The following PPARGC1B variants were observed in gnomAD, a reference collection of about 807,000 sequenced individuals.
PPARGC1B encodes the protein peroxisome proliferator-activated receptor gamma coactivator 1-beta.
In PPARGC1B, 34 loss-of-function variants were observed where a neutral mutation model predicts 101.6. The ratio of observed to expected loss-of-function variants is 0.33; its 90% CI spans 0.25 to 0.45. The LOEUF (loss-of-function observed/expected upper bound fraction) is 0.45. PPARGC1B is among the 20% of genes least tolerant of loss of function. The pLI, the probability that PPARGC1B is intolerant of heterozygous loss-of-function variation, is 1.00. For synonymous variants in PPARGC1B, 548 were observed against 539.3 expected, an observed-to-expected ratio of 1.02 and a Z score of -0.22; for missense variants, 1,234 against 1,317.6, an observed-to-expected ratio of 0.94 and a Z score of 0.98.
intron 1 of PPARGC1B, among the ~76,000 whole-genome samples, chr5:149,800,792 C>T (rs1757406305): frequency 6.6e-6 from 1 of 152,204 alleles, no homozygotes; most frequent in African/African-American, 2.4e-5. Context: ...CTCAAAATAG[C>T]CTGGAAGTGC....
At chr5:149,772,083 T>C in intron 1 of PPARGC1B, 2 of 1,574,796 alleles carry the variant, frequency 1.3e-6, no homozygotes, top group Admixed American at 1.9e-5. Flanking sequence ...AGGGGCCTGC[T>C]CTGATCTGGG....
chr5:149,839,414 G>A (rs1759242474), intron 8 of PPARGC1B, among the ~76,000 whole-genome samples: 1 of 152,198 alleles, frequency 6.6e-6, no homozygotes, highest in Non-Finnish European at 1.5e-5. Flanking sequence ...TGAGGGCAGC[G>A]TGCAAGCAGG....
intron 1 of PPARGC1B, among the ~76,000 whole-genome samples, chr5:149,748,077 TG>T (rs1291978349): frequency 1.3e-5 from 2 of 151,970 alleles, no homozygotes; most frequent in African/African-American, 2.4e-5. Flanking sequence ...ATGATATGGT[TG>T]TGAAACAACC....
intron 1 of PPARGC1B, chr5:149,772,269 T>A: frequency 6.5e-7 from 1 of 1,537,692 alleles, no homozygotes; most frequent in South Asian, 1.2e-5. Flanking sequence ...GATGTGGCGA[T>A]GGTGGGTTAG....
chr5:149,751,376 A>T (rs1755296099), intron 1 of PPARGC1B, among the ~76,000 whole-genome samples: 1 of 152,194 alleles, frequency 6.6e-6, no homozygotes. Context: ...ATTTATTGAA[A>T]TGTGAGAGCA....
rs1273250347 is a variant in PPARGC1B at position 149,850,202 on chromosome 5, T to C, written c.*2644T>C. ...CTCTTAGCCCCTCCTATTTGCTTCT[T>C]CCTTGATTGCTCTTGGTCAAAGGGT... On this transcript the variant is annotated 3_prime_UTR_variant, in exon 12 of 12. Transcript: ENST00000309241. 1 of 152,270 alleles carries C rather than the reference T, an allele frequency of 6.6e-6. No homozygotes were observed. Among genetic ancestry groups the C allele is most frequent in the Non-Finnish European group, 1.5e-5 (1 of 68,078 alleles). 9.4% of individuals were successfully genotyped at this position (152,270 alleles called of 1,614,324 possible). A position where few individuals can be genotyped will look rare whatever the true frequency, so the allele number is the denominator to read the frequency against.
chr5:149,804,816 CAG>C (rs1215021893), intron 1 of PPARGC1B, among the ~76,000 whole-genome samples: 1 of 152,180 alleles, frequency 6.6e-6, no homozygotes, highest in Non-Finnish European at 1.5e-5. Flanking sequence ...CAGCCCCAGA[CAG>C]AGGGTTGTGT....
At chr5:149,839,118 C>CA (rs1759228511) in intron 8 of PPARGC1B, among the ~76,000 whole-genome samples, 1 of 152,264 alleles carries the variant, frequency 6.6e-6, no homozygotes, top group South Asian at 2.1e-4. Context: ...AGCTGAGGCT[C>CA]AAAGAGATTA....
At chr5:149,781,100 G>A (rs2113222816) in intron 1 of PPARGC1B, among the ~76,000 whole-genome samples, 1 of 152,172 alleles carries the variant, frequency 6.6e-6, no homozygotes, top group African/African-American at 2.4e-5. Context: ...AGCTACTTGG[G>A]AGGCTGAGGC....
rs1325382296 is a variant in PPARGC1B, at chr5:149,842,303, C to T, written c.2742C>T (p.Ser914=). 3 of 1,614,040 alleles carry T rather than the reference C, an allele frequency of 1.9e-6. No individual in the cohort carries two copies. The highest frequency in any genetic ancestry group is 3.3e-5 in the Admixed American group (2 of 60,014). Residue 914 remains serine (S), a synonymous_variant, in exon 10 of 12, where the codon AGC becomes AGT. Transcript: ENST00000309241. ...VYIQNLSSDM[S]SRELKRRFEV... ...TTCAAAATCTCTCCAGCGACATGAG[C>T]TCCCGAGAGCTGAAGAGGCGCTTTG...
chr5:149,752,081 T>C (rs1024623996), intron 1 of PPARGC1B, among the ~76,000 whole-genome samples: 2 of 152,224 alleles, frequency 1.3e-5, no homozygotes, highest in African/African-American at 4.8e-5. Context: ...GCTGCTGATA[T>C]TGCTGCCTGT....
intron 1 of PPARGC1B, among the ~76,000 whole-genome samples, chr5:149,799,687 G>GTTTTTTTT (rs1561553708): frequency 7.0e-5 from 6 of 85,448 alleles, no homozygotes; most frequent in African/African-American, 2.1e-4. Flanking sequence ...TTGTTTGCTT[G>GTTTTTTTT]TTGTTGTTTT....
At chr5:149,778,260 C>A (rs1756468069) in intron 1 of PPARGC1B, among the ~76,000 whole-genome samples, 1 of 151,934 alleles carries the variant, frequency 6.6e-6, no homozygotes, top group Non-Finnish European at 1.5e-5. Flanking sequence ...CAGCCCCTGA[C>A]CCAAGAGTGG....
At position 149,791,573 on chromosome 5, in the gene PPARGC1B, G is replaced by A. The variant is rs1561543672; in HGVS notation, c.79-28860G>A. 3.9e-5 allele frequency among the ~76,000 whole-genome samples: 6 copies of A among 152,240 alleles called. No individual in the cohort carries two copies. In the South Asian group the frequency reaches 1.2e-3, roughly 32 times the overall value. On this transcript the variant is annotated intron_variant, in intron 1 of 11. Transcript: ENST00000309241. ...TCCAACCTATGGGAAGAGTGTGTGT[G>A]ATGTTGTGATCTTATGGTCTGGAGA...
intron 1 of PPARGC1B, among the ~76,000 whole-genome samples, chr5:149,770,828 T>TAA (rs35142598): frequency 2.1e-5 from 3 of 141,632 alleles, no homozygotes; most frequent in Admixed American, 7.1e-5. Context: ...CCCTGTCTCT[T>TAA]AAAAAAAAAA....
chr5:149,779,087 C>A (rs1012639683), intron 1 of PPARGC1B, among the ~76,000 whole-genome samples: 2 of 152,146 alleles, frequency 1.3e-5, no homozygotes, highest in African/African-American at 4.8e-5. Context: ...AAAGTCCAGA[C>A]TCCTCGGGAC....
intron 1 of PPARGC1B, among the ~76,000 whole-genome samples, chr5:149,809,663 G>A (rs1477864493): frequency 2.8e-5 from 4 of 141,726 alleles, no homozygotes; most frequent in Admixed American, 7.3e-5. Context: ...ACTCCAGCTC[G>A]GGCGACAGAG....
At chr5:149,750,311 A>G (rs1201577564) in intron 1 of PPARGC1B, among the ~76,000 whole-genome samples, 1 of 151,782 alleles carries the variant, frequency 6.6e-6, no homozygotes, top group Non-Finnish European at 1.5e-5. Context: ...TAAAGGAGCA[A>G]GTCATTCAAA....
intron 1 of PPARGC1B, among the ~76,000 whole-genome samples, chr5:149,757,587 C>T (rs559806096): frequency 1.3e-5 from 2 of 152,342 alleles, no homozygotes; most frequent in South Asian, 2.1e-4. Context: ...AGGGCTTCCT[C>T]GTTGGCTCTC....
Sources: gnomAD v4.1 joint callset for allele counts (sites outside exome capture counted in the v4.1 genomes callset) on GRCh38, gnomAD v4.1.1 for gene constraint, MANE v1.5 for transcripts, NCBI Gene and HGNC (gene_info 2026-07-23, HGNC 2026-07-21) for gene names.